The following RBM20 variants were observed in gnomAD, a reference collection of about 807,000 sequenced individuals.
RBM20 encodes RNA-binding protein 20.
Under a neutral mutation model 110.1 loss-of-function variants are expected in RBM20, and 51 were observed. The ratio of observed to expected loss-of-function variants is 0.46; its 90% CI spans 0.37 to 0.59. The LOEUF (loss-of-function observed/expected upper bound fraction) is 0.59. RBM20 is among the 20% of genes least tolerant of loss of function. The pLI, the probability that RBM20 is intolerant of heterozygous loss-of-function variation, is 0.00. For synonymous variants in RBM20, 589 were observed against 618.2 expected, an observed-to-expected ratio of 0.95 and a Z score of 0.70; for missense variants, 1,512 against 1,574.9, an observed-to-expected ratio of 0.96 and a Z score of 0.68.
At chr10:110,723,773 G>A (rs1228445384) in intron 1 of RBM20, among the ~76,000 whole-genome samples, 1 of 152,180 alleles carries the variant, frequency 6.6e-6, no homozygotes, top group Admixed American at 6.5e-5. Flanking sequence ...ATTGGGTTAT[G>A]GGTCTTTATT....
At chr10:110,692,269 A>G (rs1164220630) in intron 1 of RBM20, among the ~76,000 whole-genome samples, 1 of 152,120 alleles carries the variant, frequency 6.6e-6, no homozygotes, top group Non-Finnish European at 1.5e-5. Flanking sequence ...TTAAGATTCC[A>G]TGTGAAGTTT....
intron 1 of RBM20, among the ~76,000 whole-genome samples, chr10:110,719,246 G>A (rs1198383773): frequency 6.6e-6 from 1 of 152,240 alleles, no homozygotes; most frequent in African/African-American, 2.4e-5. Flanking sequence ...AGGTGAGCCT[G>A]TTTCAGTTTT....
chr10:110,670,748 A>T (rs1217725191), intron 1 of RBM20, among the ~76,000 whole-genome samples: 1 of 152,344 alleles, frequency 6.6e-6, no homozygotes, highest in African/African-American at 2.4e-5. Flanking sequence ...TTTGAGATGT[A>T]CTTCAGTTTC....
intron 13 of RBM20, 40 bp downstream of exon 13, chr10:110,831,222 C>T (rs144120562): frequency 7.2e-4 from 1,105 of 1,543,238 alleles, no homozygotes; most frequent in Non-Finnish European, 9.3e-4. Flanking sequence ...CCAGGGGCTC[C>T]CCAGTCTCCA....
At chr10:110,827,997 A>G (rs1845003829) in intron 12 of RBM20, 1 of 152,146 alleles carries the variant, frequency 6.6e-6, no homozygotes, top group Admixed American at 6.5e-5. Context: ...GGGGAAGTAC[A>G]CTGCACTCTG....
chr10:110,746,265 C>G (rs1376645086), intron 1 of RBM20, among the ~76,000 whole-genome samples: 1 of 152,170 alleles, frequency 6.6e-6, no homozygotes, highest in Non-Finnish European at 1.5e-5. Context: ...AGCATCTCTT[C>G]CTGTGCATTC....
intron 1 of RBM20, among the ~76,000 whole-genome samples, chr10:110,710,580 C>T (rs978647803): frequency 2.6e-5 from 4 of 152,330 alleles, no homozygotes; most frequent in African/African-American, 7.2e-5. Context: ...AGGACTGAGG[C>T]GGGAGAAGGA....
chr10:110,671,852 G>A (rs1324668629), intron 1 of RBM20, among the ~76,000 whole-genome samples: 1 of 152,096 alleles, frequency 6.6e-6, no homozygotes, highest in Non-Finnish European at 1.5e-5. Flanking sequence ...TTACAGAAGA[G>A]ATCCATTCTG....
At chr10:110,780,674 C>T (rs1844325377) in intron 1 of RBM20, 127 bp from the exon 2 acceptor site, 10 of 930,578 alleles carry the variant, frequency 1.1e-5, no homozygotes, top group Non-Finnish European at 1.2e-5. Flanking sequence ...TGCAGATTCA[C>T]TTGTATGTGG....
chr10:110,751,617 T>A (rs537975842), intron 1 of RBM20, among the ~76,000 whole-genome samples: 10 of 152,234 alleles, frequency 6.6e-5, no homozygotes, highest in Non-Finnish European at 1.5e-4. Context: ...TTTGGATAAA[T>A]CATTTAACTT....
At chr10:110,721,734 A>T (rs942987186) in intron 1 of RBM20, among the ~76,000 whole-genome samples, 9 of 152,080 alleles carry the variant, frequency 5.9e-5, no homozygotes, top group Admixed American at 5.2e-4. Context: ...GGGTACTTGG[A>T]TCTCTCTGCA....
At chr10:110,722,779 G>T (rs571788930) in intron 1 of RBM20, among the ~76,000 whole-genome samples, 1 of 152,188 alleles carries the variant, frequency 6.6e-6, no homozygotes, top group African/African-American at 2.4e-5. Context: ...ATTGACAAAG[G>T]AGCTCTAGGG....
chr10:110,789,264 G>A (rs952543124), intron 5 of RBM20, among the ~76,000 whole-genome samples: 1 of 152,062 alleles, frequency 6.6e-6, no homozygotes, highest in African/African-American at 2.4e-5. Flanking sequence ...GATTATATCC[G>A]AACTGCCACA....
chr10:110,643,988 C>G (rs1290754780), upstream of RBM20, among the ~76,000 whole-genome samples: 1 of 152,190 alleles, frequency 6.6e-6, no homozygotes, highest in Admixed American at 6.5e-5. Flanking sequence ...CCGGAGGACT[C>G]AGGGCTCCCG....
chr10:110,810,648 G>T (rs1026002943), intron 8 of RBM20, among the ~76,000 whole-genome samples, 186 bp downstream of exon 8: 1 of 152,170 alleles, frequency 6.6e-6, no homozygotes, highest in Non-Finnish European at 1.5e-5. Context: ...CAGACATGCT[G>T]CTCCGGTTAA....
At chr10:110,686,618 C>G (rs1454563785) in intron 1 of RBM20, among the ~76,000 whole-genome samples, 1 of 151,660 alleles carries the variant, frequency 6.6e-6, no homozygotes, top group Non-Finnish European at 1.5e-5. Flanking sequence ...GAGCCAGATG[C>G]TGTCTCTAAA....
intron 1 of RBM20, among the ~76,000 whole-genome samples, chr10:110,750,053 A>G (rs778565899): frequency 5.9e-5 from 9 of 152,246 alleles, no homozygotes; most frequent in Non-Finnish European, 1.0e-4. Context: ...GCCTAGAAGT[A>G]TACACATAGG....
At chr10:110,768,123 G>A (rs998027236) in intron 1 of RBM20, among the ~76,000 whole-genome samples, 2 of 152,224 alleles carry the variant, frequency 1.3e-5, no homozygotes, top group African/African-American at 2.4e-5. Flanking sequence ...GCAGGCACTC[G>A]GCAGGCTGAG....
At chr10:110,678,381 G>T (rs1029877136) in intron 1 of RBM20, among the ~76,000 whole-genome samples, 5 of 152,222 alleles carry the variant, frequency 3.3e-5, no homozygotes, top group Non-Finnish European at 7.3e-5. Flanking sequence ...CTCATAGCAT[G>T]TTGAGACCAT....
Sources: allele counts gnomAD v4.1 joint callset (sites outside exome capture counted in the v4.1 genomes callset), GRCh38; gene constraint gnomAD v4.1.1; transcripts MANE v1.5; gene names NCBI Gene and HGNC (gene_info 2026-07-23, HGNC 2026-07-21).